Variants in SI observed in about 807,000 individuals in gnomAD.
The protein encoded by SI is sucrase-isomaltase, also known as sucrase-isomaltase, intestinal.
A neutral mutation model predicts 253.3 loss-of-function variants in SI; 235 were observed. That is an observed-to-expected ratio of 0.93 (90% CI 0.83 to 1.03). The LOEUF is 1.03. Among genes scored for constraint, SI ranks in the 50% least tolerant of loss-of-function variants. The pLI is 0.00. For missense variants in SI, 2,442 were observed against 2,211.1 expected (o/e 1.10, Z -2.09); for synonymous variants, 819 against 712.0 (o/e 1.15, Z -2.39).
intron 33 of SI, among the ~76,000 whole-genome samples, chr3:165,014,559 A>AT (rs1181844491): frequency 5.3e-5 from 8 of 151,914 alleles, no homozygotes; most frequent in African/African-American, 1.9e-4. Flanking sequence ...CTCATCATAG[A>AT]TTTTTTTGAT....
chr3:165,063,501 C>T lies in SI; in HGVS notation c.848G>A (p.Cys283Tyr). Residue 283 changes from cysteine (C) to tyrosine (Y), a missense_variant, in exon 8 of 48, where the codon TGT becomes TAT. Transcript: ENST00000264382. Reference sequence around the variant, plus strand: ...TGACTTTCCAGATGTATCTTCAATACACATAAAGAATGTTTGATGGCCGTA... The same window carrying T: ...TGACTTTCCAGATGTATCTTCAATATACATAAAGAATGTTTGATGGCCGTA... ...NLYGHQTFFM[C>Y]IEDTSGKSFG... 1.3e-6 allele frequency: 2 copies of T among 1,560,162 alleles called. No homozygotes were observed. Among genetic ancestry groups the T allele is most frequent in the Non-Finnish European group, 1.8e-6 (2 of 1,137,644 alleles).
chr3:165,062,225 A>C, intron 9 of SI, 146 bp downstream of exon 9: 1 of 607,830 alleles, frequency 1.6e-6, no homozygotes, highest in East Asian at 2.9e-5. Flanking sequence ...AAAAACACCC[A>C]GCTGCATCTT....
chr3:165,037,330 G>A (rs1712585045), intron 21 of SI, among the ~76,000 whole-genome samples: 1 of 151,846 alleles, frequency 6.6e-6, no homozygotes, highest in Non-Finnish European at 1.5e-5. Context: ...AATTCAATAC[G>A]GCACTTTCTG....
chr3:165,062,535 T>C (rs1714038772), intron 8 of SI, 52 bp from the exon 9 acceptor site: 1 of 878,378 alleles, frequency 1.1e-6, no homozygotes, highest in East Asian at 2.5e-5. Context: ...AGGATTATAG[T>C]AATTAATTGC....
chr3:165,038,545 TAAAAAAAAATTC>T (rs1048017923), intron 20 of SI, among the ~76,000 whole-genome samples: 3 of 96,004 alleles, frequency 3.1e-5, no homozygotes, highest in African/African-American at 1.0e-4. Flanking sequence ...CCATCTCTAC[TAAAAAAAAATTC>T]AAAAAAAAAA....
chr3:165,059,053 G>A lies in SI; in HGVS notation c.1308C>T (p.Ala436=). ...LDPAISIGRR[A]NGTTYATYER... ...CATAGGTTGCATATGTTGTTCCATT[G>A]GCACGTCGACCTATGGAAATTGCAG... is the stretch of plus-strand genomic sequence containing the variant. Residue 436 remains alanine (A), a synonymous_variant, in exon 12 of 48, where the codon GCC becomes GCT. Coordinates refer to ENST00000264382, the MANE Select transcript of SI (RefSeq NM_001041.4). 6 of 1,612,372 alleles carry A rather than the reference G, an allele frequency of 3.7e-6. No homozygotes were observed. The highest frequency in any genetic ancestry group is 5.1e-6 in the Non-Finnish European group (6 of 1,179,156).
intron 41 of SI, among the ~76,000 whole-genome samples, chr3:164,992,806 G>A (rs1304999356): frequency 6.6e-6 from 1 of 151,816 alleles, no homozygotes; most frequent in Non-Finnish European, 1.5e-5. Context: ...ATTTTAAAAA[G>A]AGTTTGCTTA....
At chr3:165,005,492 TA>T (rs903273974) in intron 37 of SI, among the ~76,000 whole-genome samples, 7 of 151,978 alleles carry the variant, frequency 4.6e-5, no homozygotes, top group Non-Finnish European at 7.4e-5. Context: ...ACATGACACT[TA>T]AAAAAAATCT....
chr3:165,082,926 G>C (rs571759054), upstream of SI, among the ~76,000 whole-genome samples: 1 of 152,080 alleles, frequency 6.6e-6, no homozygotes, highest in South Asian at 2.1e-4. Flanking sequence ...ATAGAGGCTA[G>C]AGAAAGGAAG....
At chr3:165,026,520 A>G (rs1711929297) in intron 25 of SI, among the ~76,000 whole-genome samples, 1 of 151,422 alleles carries the variant, frequency 6.6e-6, no homozygotes, top group Admixed American at 6.6e-5. Flanking sequence ...CCCAACAACC[A>G]CAGAAGATAC....
At chr3:165,052,928 T>A (rs1341920786) in intron 13 of SI, among the ~76,000 whole-genome samples, 1 of 151,950 alleles carries the variant, frequency 6.6e-6, no homozygotes, top group Non-Finnish European at 1.5e-5. Context: ...AAATTTATGT[T>A]TCCAAATACT....
intron 3 of SI, among the ~76,000 whole-genome samples, chr3:165,071,892 T>C (rs183206392): frequency 1.1e-3 from 166 of 152,250 alleles, no homozygotes; most frequent in Non-Finnish European, 1.9e-3. Context: ...ATTGATATTG[T>C]TTAAGCTGCC....
In SI at chr3:165,017,951, C is replaced by A. The variant is rs1319840844; in HGVS notation, c.3520+19G>T. On this transcript the variant is annotated intron_variant, in intron 29 of 47. Coordinates refer to ENST00000264382, the MANE Select transcript of SI (RefSeq NM_001041.4). Reference sequence around the variant, plus strand: ...AAAGTCACATAAAATAAGAGACATTCAACAAATGATTGTTTTACCCATTGC... The same window carrying A: ...AAAGTCACATAAAATAAGAGACATTAAACAAATGATTGTTTTACCCATTGC... The A allele has an allele frequency of 1.3e-6, 2 of 1,590,486 alleles. No individual in the cohort carries two copies. Among genetic ancestry groups the A allele is most frequent in the African/African-American group, 1.3e-5 (1 of 74,354 alleles).
chr3:165,074,331 A>T, intron 3 of SI, 200 bp downstream of exon 3: 1 of 304,150 alleles, frequency 3.3e-6, no homozygotes, highest in Non-Finnish European at 6.0e-6. Context: ...TTGTTAATTT[A>T]AATTGAGCAG....
chr3:165,079,002 A>G (rs1391773208), upstream of SI, among the ~76,000 whole-genome samples: 2 of 151,672 alleles, frequency 1.3e-5, no homozygotes, highest in Non-Finnish European at 3.0e-5. Context: ...AGTATAAAAC[A>G]TAAAATAGAG....
intron 9 of SI, among the ~76,000 whole-genome samples, chr3:165,061,516 T>A (rs1713984782): frequency 6.6e-6 from 1 of 152,024 alleles, no homozygotes; most frequent in Admixed American, 6.6e-5. Flanking sequence ...TTTCAGCTTT[T>A]TGGATCCTAA....
chr3:165,025,260 A>C (rs1483038420), intron 25 of SI, among the ~76,000 whole-genome samples: 1 of 151,262 alleles, frequency 6.6e-6, no homozygotes. Flanking sequence ...TCAGAGCTTC[A>C]AGATGAGGTT....
At chr3:165,008,134 A>T in intron 35 of SI, 136 bp from the exon 36 acceptor site, 1 of 504,364 alleles carries the variant, frequency 2.0e-6, no homozygotes, top group Non-Finnish European at 3.6e-6. Flanking sequence ...AAACAAACAA[A>T]ATTGTAAAAC....
intron 17 of SI, among the ~76,000 whole-genome samples, chr3:165,042,776 A>G (rs1021921697): frequency 6.6e-6 from 1 of 152,116 alleles, no homozygotes; most frequent in Non-Finnish European, 1.5e-5. Context: ...CTCTACTTTA[A>G]AATACCGGTA....
Sources: allele counts gnomAD v4.1 joint callset (sites outside exome capture counted in the v4.1 genomes callset), GRCh38; gene constraint gnomAD v4.1.1; transcripts MANE v1.5; gene names NCBI Gene and HGNC (gene_info 2026-07-23, HGNC 2026-07-21).